Variants in LRP1B observed in about 807,000 individuals in gnomAD.
LRP1B encodes LDL receptor related protein 1B, also known as low-density lipoprotein receptor-related protein 1B.
A neutral mutation model predicts 556.6 loss-of-function variants in LRP1B; 217 were observed. The observed-to-expected ratio is 0.39, with a 90% CI of 0.35 to 0.44. The LOEUF (loss-of-function observed/expected upper bound fraction) is 0.44, where lower values mean the gene tolerates loss of function less well. Among genes scored for constraint, LRP1B ranks in the 20% least tolerant of loss-of-function variants. The pLI is 1.00. For synonymous variants in LRP1B, 2,047 were observed against 1,865.8 expected, an observed-to-expected ratio of 1.10 and a Z score of -2.50; for missense variants, 5,053 against 5,620.8, an observed-to-expected ratio of 0.90 and a Z score of 3.23.
chr2:141,455,389 C>T (rs1681592759), intron 3 of LRP1B, among the ~76,000 whole-genome samples: 1 of 152,166 alleles, frequency 6.6e-6, no homozygotes, highest in Admixed American at 6.5e-5. Context: ...CTCTTTGCTG[C>T]TTGCTCAGCG....
Position 140,449,938 on chromosome 2 carries a change from A to G in LRP1B, c.10057+630T>C, listed in dbSNP as rs147690271. On this transcript the variant is annotated intron_variant, in intron 63 of 90. Coordinates refer to ENST00000389484, the MANE Select transcript of LRP1B (RefSeq NM_018557.3). ...TGAAGTACAAAAGGCTATCAAGGAA[A>G]AGTCTGCTGATGTCCCATTACAACC... 2.0e-3 allele frequency among the ~76,000 whole-genome samples: 301 copies of G among 152,284 alleles called. 2 individuals are homozygous for G. Among genetic ancestry groups the G allele is most frequent in the Admixed American group, 4.1e-3 (62 of 15,274 alleles).
intron 55 of LRP1B, among the ~76,000 whole-genome samples, chr2:140,499,664 T>C (rs1231893907): frequency 6.6e-6 from 1 of 151,916 alleles, no homozygotes; most frequent in Non-Finnish European, 1.5e-5. Flanking sequence ...TAGGCAATTG[T>C]AACACAATGC....
At chr2:140,798,769 A>T (rs909551061) in intron 32 of LRP1B, among the ~76,000 whole-genome samples, 6 of 152,142 alleles carry the variant, frequency 3.9e-5, no homozygotes, top group Non-Finnish European at 8.8e-5. Context: ...ACATTGCCAA[A>T]TGTCTCCTGG....
intron 3 of LRP1B, among the ~76,000 whole-genome samples, chr2:141,407,777 T>A (rs956623248): frequency 2.6e-5 from 4 of 152,206 alleles, no homozygotes; most frequent in African/African-American, 9.6e-5. Context: ...AAACCTCTTT[T>A]CTTTATAAAT....
chr2:141,895,598 A>G (rs910794560), intron 1 of LRP1B, among the ~76,000 whole-genome samples: 4 of 152,146 alleles, frequency 2.6e-5, no homozygotes, highest in Non-Finnish European at 5.9e-5. Flanking sequence ...AGGGCTCACC[A>G]TTTTTTTCCA....
At chr2:141,146,987 G>C (rs1240517310) in intron 7 of LRP1B, among the ~76,000 whole-genome samples, 1 of 152,174 alleles carries the variant, frequency 6.6e-6, no homozygotes, top group East Asian at 1.9e-4. Flanking sequence ...TTACACACCT[G>C]AGCATCCTCC....
intron 1 of LRP1B, among the ~76,000 whole-genome samples, chr2:141,813,587 C>A (rs1325545678): frequency 3.1e-4 from 46 of 147,824 alleles, no homozygotes; most frequent in Non-Finnish European, 2.6e-4. Context: ...TTACTAAAAA[C>A]AAACAAACAA....
chr2:140,854,669 A>G (rs1409749489), intron 27 of LRP1B, among the ~76,000 whole-genome samples: 2 of 152,234 alleles, frequency 1.3e-5, no homozygotes, highest in Non-Finnish European at 2.9e-5. Flanking sequence ...TTTTGTAAAT[A>G]AAGTTTTATT....
chr2:140,713,477 T>G (rs1437100685), intron 37 of LRP1B, among the ~76,000 whole-genome samples: 1 of 152,078 alleles, frequency 6.6e-6, no homozygotes, highest in Non-Finnish European at 1.5e-5. Context: ...TCTTAAAGAT[T>G]CTTTATGTTA....
intron 2 of LRP1B, among the ~76,000 whole-genome samples, chr2:141,758,436 G>A (rs1476453195): frequency 1.3e-5 from 2 of 151,798 alleles, no homozygotes; most frequent in Non-Finnish European, 2.9e-5. Flanking sequence ...CATTCTAAAC[G>A]TCATTTATGT....
chr2:141,047,035 T>C (rs1055846377), intron 11 of LRP1B, among the ~76,000 whole-genome samples: 14 of 16,714 alleles, frequency 8.4e-4, no homozygotes, highest in Non-Finnish European at 2.4e-3. Context: ...TGAGCCAAGA[T>C]TGCAGCACTG....
rs971734159 is a variant in LRP1B at position 141,180,713 on chromosome 2, A to G, written c.1013+7708T>C. On this transcript the variant is annotated intron_variant, in intron 7 of 90. Coordinates refer to ENST00000389484, the MANE Select transcript of LRP1B (RefSeq NM_018557.3). ...AATGTTGCCAAAAATTAAAAAACCC[A>G]AAAAACAAAACAAAAACCCTATCAT... Among the ~76,000 whole-genome samples the G allele has an allele frequency of 3.3e-5, 5 of 152,094 alleles. No homozygotes were observed. The South Asian group carries it at 1.0e-3, about 32-fold the overall frequency.
At chr2:141,150,915 T>TGTGTGTGTG (rs1558894876) in intron 7 of LRP1B, among the ~76,000 whole-genome samples, 10 of 52,406 alleles carry the variant, frequency 1.9e-4, no homozygotes, top group Admixed American at 8.7e-4. Context: ...GTGTGTGTGT[T>TGTGTGTGTG]TGCCATGCTA....
chr2:140,948,662 T>G (rs569940707), intron 20 of LRP1B, among the ~76,000 whole-genome samples: 2 of 152,350 alleles, frequency 1.3e-5, no homozygotes, highest in South Asian at 4.1e-4. Context: ...GTTTCTGTTT[T>G]TATTATAATT....
chr2:140,883,836 C>A lies in LRP1B; in HGVS notation c.4150G>T (p.Ala1384Ser), dbSNP rs1388677848. Residue 1384 changes from alanine (A) to serine (S), a missense_variant, in exon 25 of 91, where the codon GCT becomes TCT. By Grantham distance (99) the Ala-to-Ser change is moderately conservative. This residue lies in a region of LRP1B where 3,619 missense variants were observed against 3,931.9 expected (regional missense o/e 0.92). Coordinates refer to ENST00000389484, the MANE Select transcript of LRP1B (RefSeq NM_018557.3). ...CTTTACCCATATCTTGGGTCCAAAG[C>A]AATGGCCCTGGGGTGTTCCATGGCT... ...AGAMEHPRAI[A>S]LDPRYGILFW... 2 of 1,613,734 alleles carry A rather than the reference C, an allele frequency of 1.2e-6. No individual in the cohort carries two copies. Among genetic ancestry groups the A allele is most frequent in the Non-Finnish European group, 1.7e-6 (2 of 1,179,814 alleles).
At chr2:140,239,751 GTGT>G (rs754122908) in intron 87 of LRP1B, among the ~76,000 whole-genome samples, 1 of 150,826 alleles carries the variant, frequency 6.6e-6, no homozygotes, top group Non-Finnish European at 1.5e-5. Flanking sequence ...TTTCATTTAT[GTGT>G]TGCATTTAAA....
chr2:141,544,383 T>C (rs1411043936), intron 2 of LRP1B, among the ~76,000 whole-genome samples: 3 of 71,112 alleles, frequency 4.2e-5, no homozygotes, highest in Non-Finnish European at 6.0e-5. Flanking sequence ...CTTCTTCTTC[T>C]CCTCCTCCTC....
intron 41 of LRP1B, among the ~76,000 whole-genome samples, chr2:140,613,369 A>AT (rs1683142195): frequency 3.8e-5 from 5 of 130,644 alleles, no homozygotes; most frequent in African/African-American, 1.3e-4. Flanking sequence ...ATATAAATAT[A>AT]AATATATATA....
chr2:140,794,801 C>A (rs560044939), intron 32 of LRP1B, among the ~76,000 whole-genome samples: 3 of 151,640 alleles, frequency 2.0e-5, no homozygotes, highest in Non-Finnish European at 4.4e-5. Context: ...TTAGTAGAGA[C>A]GGGGTTTCTC....
Sources: allele counts gnomAD v4.1 joint callset (sites outside exome capture counted in the v4.1 genomes callset), GRCh38; gene constraint gnomAD v4.1.1; regional missense constraint gnomAD v4.1.1; transcripts MANE v1.5; gene names NCBI Gene and HGNC (gene_info 2026-07-23, HGNC 2026-07-21).